EPM2A: variants seen among roughly 807,000 people sequenced by gnomAD.
EPM2A encodes laforin.
In EPM2A, 21 loss-of-function variants were observed where a neutral mutation model predicts 26.5. That is an observed-to-expected ratio of 0.79 (90% CI 0.56 to 1.14). EPM2A has a LOEUF of 1.14. Ranked by LOEUF, EPM2A falls within the 50% of genes most tolerant of loss-of-function variation. The pLI is 0.00. For missense variants in EPM2A, 458 were observed against 440.8 expected (o/e 1.04, Z -0.35); for synonymous variants, 217 against 177.6 (o/e 1.22, Z -1.76).
chr6:145,597,041 C>T (rs1378440829), intron 2 of EPM2A, among the ~76,000 whole-genome samples: 32 of 151,264 alleles, frequency 2.1e-4, no homozygotes, highest in Admixed American at 2.0e-3. Flanking sequence ...ACTACAGGCG[C>T]CCGCCACCGC....
chr6:145,661,010 A>T (rs1171167069), intron 2 of EPM2A, among the ~76,000 whole-genome samples: 2 of 152,130 alleles, frequency 1.3e-5, no homozygotes, highest in East Asian at 3.9e-4. Context: ...AAATAGGAAG[A>T]GAGGACAAGA....
At chr6:145,515,134 G>A (rs1214655646) in intron 2 of EPM2A, among the ~76,000 whole-genome samples, 27 of 152,122 alleles carry the variant, frequency 1.8e-4, no homozygotes. Flanking sequence ...AGACAAGAAG[G>A]GTATGGGTAT....
In EPM2A at chr6:145,592,896, A is replaced by C. The variant is rs191888226; in HGVS notation, c.340+42349T>G. Among the ~76,000 whole-genome samples the C allele has an allele frequency of 2.7e-3, 408 of 152,312 alleles. 2 individuals carry two copies. The highest frequency in any genetic ancestry group is 4.9e-3 in the Non-Finnish European group (333 of 68,008). Reference sequence around the variant, plus strand: ...CACAAAAAGAAGGTAAAAGATATAAATAACAAGCTGTAATAAATAGAAAAC... The same window carrying C: ...CACAAAAAGAAGGTAAAAGATATAACTAACAAGCTGTAATAAATAGAAAAC... On this transcript the variant is annotated intron_variant, in intron 2 of 3. Coordinates refer to the EPM2A transcript ENST00000450221.
intron 2 of EPM2A, among the ~76,000 whole-genome samples, chr6:145,515,391 G>T (rs756359987): frequency 6.6e-6 from 1 of 152,086 alleles, no homozygotes; most frequent in Non-Finnish European, 1.5e-5. Flanking sequence ...TAGCCTGTTT[G>T]GTCTTCTGTA....
rs12110826 is a variant in EPM2A, at chr6:145,714,743, G to C, written c.301+20455C>G. Among the ~76,000 whole-genome samples the C allele has an allele frequency of 3.3e-3, 499 of 152,240 alleles. 2 individuals are homozygous for C. The highest frequency in any genetic ancestry group is 0.011 in the African/African-American group (475 of 41,534). On this transcript the variant is annotated intron_variant, in intron 1 of 3. Transcript: ENST00000367519. ...GGCAAAGAGAGAGAGATCTTGTGCA[G>C]GGAAACTCCACCTTCTAAAGCCATC...
intron 2 of EPM2A, among the ~76,000 whole-genome samples, chr6:145,577,016 T>C (rs1001471187): frequency 1.9e-4 from 29 of 150,868 alleles, no homozygotes; most frequent in Admixed American, 3.3e-4. Flanking sequence ...TCAAAACCTA[T>C]ACTAGATACA....
Position 145,713,425 on chromosome 6 carries a change from T to C in EPM2A, c.301+21773A>G, listed in dbSNP as rs1315422900. On this transcript the variant is annotated intron_variant, in intron 1 of 3. Transcript: ENST00000367519. ...TCTCCAAAGAAGATACATACACATA[T>C]GTGTGTACAGAAGATACATATGTGT... Among the ~76,000 whole-genome samples the C allele has an allele frequency of 3.3e-5, 5 of 152,304 alleles. No homozygotes were observed. In the East Asian group the frequency reaches 9.6e-4, roughly 29 times the overall value.
chr6:145,592,469 A>T (rs943434233), intron 2 of EPM2A, among the ~76,000 whole-genome samples: 1 of 152,178 alleles, frequency 6.6e-6, no homozygotes, highest in Non-Finnish European at 1.5e-5. Context: ...CACAATAAAC[A>T]TACTTGTGCA....
At chr6:145,438,767 C>A (rs1427073710) in intron 4 of EPM2A, among the ~76,000 whole-genome samples, 1 of 152,106 alleles carries the variant, frequency 6.6e-6, no homozygotes, top group South Asian at 2.1e-4. Context: ...CCATTGCACT[C>A]GGCCAAGGAT....
chr6:145,387,302 G>A (rs920235553), intron 4 of EPM2A, among the ~76,000 whole-genome samples: 1 of 152,098 alleles, frequency 6.6e-6, no homozygotes, highest in Non-Finnish European at 1.5e-5. Context: ...CATTAATGAT[G>A]AGGGTTCTGC....
chr6:145,596,375 T>G (rs1379449689), intron 2 of EPM2A, among the ~76,000 whole-genome samples: 4 of 152,200 alleles, frequency 2.6e-5, no homozygotes, highest in Non-Finnish European at 5.9e-5. Context: ...CTAAACAATA[T>G]GCATCTAATA....
intron 1 of EPM2A, among the ~76,000 whole-genome samples, chr6:145,687,340 A>G (rs573713105): frequency 4.6e-5 from 7 of 151,922 alleles, no homozygotes; most frequent in African/African-American, 1.7e-4. Flanking sequence ...GTATGCCTCA[A>G]TCTTAGACCC....
At chr6:145,648,472 G>C (rs887719746) in intron 2 of EPM2A, among the ~76,000 whole-genome samples, 1 of 152,100 alleles carries the variant, frequency 6.6e-6, no homozygotes, top group Non-Finnish European at 1.5e-5. Context: ...TATAACCCAT[G>C]GACCATAACC....
intron 2 of EPM2A, chr6:145,639,300 G>A (rs1776912205): frequency 6.6e-6 from 1 of 152,138 alleles, no homozygotes; most frequent in Admixed American, 6.5e-5. Flanking sequence ...AACCAACAGG[G>A]TATTGACACT....
chr6:145,498,195 C>A (rs529816588), downstream of EPM2A, among the ~76,000 whole-genome samples: 4 of 152,258 alleles, frequency 2.6e-5, no homozygotes. Context: ...TGGCCCACCC[C>A]TCCCGTCAGG....
intron 2 of EPM2A, among the ~76,000 whole-genome samples, chr6:145,656,257 A>G (rs1197191119): frequency 6.6e-6 from 1 of 152,208 alleles, no homozygotes; most frequent in Non-Finnish European, 1.5e-5. Flanking sequence ...TGAGTTCAAC[A>G]GAGAAGTCAC....
chr6:145,596,542 T>C (rs970511566), intron 2 of EPM2A, among the ~76,000 whole-genome samples: 2 of 152,112 alleles, frequency 1.3e-5, no homozygotes, highest in African/African-American at 4.8e-5. Context: ...TACTCTTGAG[T>C]ATATTATAAT....
intron 4 of EPM2A, among the ~76,000 whole-genome samples, chr6:145,462,222 G>A (rs927845209): frequency 2.6e-5 from 4 of 152,202 alleles, no homozygotes; most frequent in African/African-American, 9.6e-5. Flanking sequence ...ATATTTCCAG[G>A]AGTGTCAGAT....
At chr6:145,529,651 T>C (rs1265789958) in intron 2 of EPM2A, among the ~76,000 whole-genome samples, 1 of 152,196 alleles carries the variant, frequency 6.6e-6, no homozygotes, top group African/African-American at 2.4e-5. Flanking sequence ...TCTTGTGATA[T>C]TTGCTTTTTT....
Sources: allele counts gnomAD v4.1 joint callset (sites outside exome capture counted in the v4.1 genomes callset), GRCh38; gene constraint gnomAD v4.1.1; transcripts MANE v1.5; gene names NCBI Gene and HGNC (gene_info 2026-07-23, HGNC 2026-07-21).